The following GNAS variants were observed in gnomAD, a reference collection of about 807,000 sequenced individuals.
The protein encoded by GNAS is protein ALEX.
Under a neutral mutation model 54.5 loss-of-function variants are expected in GNAS, and 8 were observed. The observed-to-expected ratio is 0.15, with a 90% confidence interval of 0.09 to 0.26. GNAS has a LOEUF of 0.26. GNAS is among the 10% of genes least tolerant of loss of function. The probability of loss-of-function intolerance (pLI) is 1.00; values close to 1 mark genes in which losing one functional copy is unlikely to be tolerated. For synonymous variants in GNAS, 204 were observed against 191.4 expected, an observed-to-expected ratio of 1.07 and a Z score of -0.54; for missense variants, 170 against 529.8, an observed-to-expected ratio of 0.32 and a Z score of 6.67.
chr20:58,859,554 TG>T (rs981645390), intron 1 of GNAS, among the ~76,000 whole-genome samples: 1 of 151,922 alleles, frequency 6.6e-6, no homozygotes, highest in African/African-American at 2.4e-5. Flanking sequence ...GAAACAGTCC[TG>T]GGCAATAAAA....
chr20:58,858,521 AT>A (rs1351995022), intron 1 of GNAS, among the ~76,000 whole-genome samples: 1 of 152,200 alleles, frequency 6.6e-6, no homozygotes, highest in African/African-American at 2.4e-5. Context: ...TTTTTAAATA[AT>A]TTTGGTGGCT....
intron 1 of GNAS, among the ~76,000 whole-genome samples, chr20:58,858,390 AAGAT>A (rs2086607154): frequency 6.6e-6 from 1 of 152,092 alleles, no homozygotes; most frequent in Non-Finnish European, 1.5e-5. Context: ...GAGAGAGAGA[AAGAT>A]AGATAGAAAT....
intron 1 of GNAS, chr20:58,842,029 C>T: frequency 1.4e-6 from 1 of 698,846 alleles, no homozygotes; most frequent in Non-Finnish European, 2.0e-6. Flanking sequence ...GAAAAGGAGG[C>T]AGGGGCCGGC....
intron 1 of GNAS, among the ~76,000 whole-genome samples, chr20:58,844,872 ATC>A (rs762097633): frequency 6.6e-6 from 1 of 152,088 alleles, no homozygotes; most frequent in African/African-American, 2.4e-5. Flanking sequence ...CTAGGAAGAA[ATC>A]TGTTTTGTGT....
rs75786204 is a variant in GNAS, at chr20:58,874,875, G to A, written c.44-20737G>A. Among the ~76,000 whole-genome samples the A allele has an allele frequency of 7.9e-3, 1,206 of 152,334 alleles. 17 individuals carry two copies. The highest frequency in any genetic ancestry group is 0.027 in the African/African-American group (1,128 of 41,574). ...ATACTATAATTAATTTCCAGCCATT[G>A]TGGAATGAAAAACACATTTTAATTT... On this transcript the variant is annotated intron_variant, in intron 1 of 12. Coordinates refer to the GNAS transcript ENST00000306090.
At chr20:58,895,776 G>T (rs2089988937) in intron 2 of GNAS, 92 bp downstream of exon 2, 1 of 811,988 alleles carries the variant, frequency 1.2e-6, no homozygotes, top group Non-Finnish European at 2.2e-6. Flanking sequence ...TGGGGGCTGG[G>T]CAGCCAGTTT....
chr20:58,891,538 C>A lies in GNAS; in HGVS notation c.-189C>A. On this transcript the variant is annotated 5_prime_UTR_variant, in exon 1 of 13. Coordinates refer to ENST00000371085, the MANE Select transcript of GNAS (RefSeq NM_000516.7). ...CGCCCCTCGGTCCGACCGACACCCT[C>A]CCCTTCCCGCCCGTCCGCGCGCCCC... is the stretch of plus-strand genomic sequence containing the variant. 1 of 975,972 alleles carries A rather than the reference C, an allele frequency of 1.0e-6. No individual in the cohort carries two copies. The highest frequency in any genetic ancestry group is 1.2e-6 in the Non-Finnish European group (1 of 824,642). The allele number at this position is 975,972 out of a possible 1,614,324, so 60.5% of individuals were successfully genotyped here. A position where few individuals can be genotyped will look rare whatever the true frequency, so the allele number is the denominator to read the frequency against.
intron 1 of GNAS, among the ~76,000 whole-genome samples, chr20:58,893,847 A>G (rs552254143): frequency 9.2e-5 from 14 of 152,334 alleles, no homozygotes; most frequent in Non-Finnish European, 1.6e-4. Context: ...AAAATTTCCA[A>G]CACCTTTTGT....
Position 58,873,616 on chromosome 20 carries a change from G to A in GNAS, c.44-21996G>A, listed in dbSNP as rs1397066456. On this transcript the variant is annotated intron_variant, in intron 1 of 12. Coordinates refer to the GNAS transcript ENST00000306090. This position sits in a 1 kb window ranked among gnomAD's most constrained non-coding sequence, Gnocchi z 4.3. ...TCTGTCTAGTAGCATCTCTAAGCTT[G>A]CAGTAGCTGCTCACGTGTCTGCCAC... is the stretch of plus-strand genomic sequence containing the variant. 6.6e-6 allele frequency among the ~76,000 whole-genome samples: 1 copy of A among 152,190 alleles called. No homozygotes were observed. The highest frequency in any genetic ancestry group is 1.9e-4 in the East Asian group (1 of 5,198).
upstream of GNAS, among the ~76,000 whole-genome samples, chr20:58,887,796 T>C (rs1428438264): frequency 6.6e-6 from 1 of 152,158 alleles, no homozygotes; most frequent in East Asian, 1.9e-4. Context: ...TTGGTGACTT[T>C]GAATCGCCCT....
intron 1 of GNAS, among the ~76,000 whole-genome samples, chr20:58,859,140 A>T (rs2086649845): frequency 6.6e-6 from 1 of 152,184 alleles, no homozygotes; most frequent in Non-Finnish European, 1.5e-5. Flanking sequence ...TGAAAAGGAA[A>T]ATCTCACTGC....
At chr20:58,861,089 C>T (rs960920628) in intron 1 of GNAS, among the ~76,000 whole-genome samples, 5 of 152,184 alleles carry the variant, frequency 3.3e-5, no homozygotes, top group African/African-American at 1.2e-4. Flanking sequence ...AAAACTTACC[C>T]CCAACCCCAG....
chr20:58,907,804 G>A (rs1015924434), intron 6 of GNAS, among the ~76,000 whole-genome samples: 1 of 152,240 alleles, frequency 6.6e-6, no homozygotes, highest in African/African-American at 2.4e-5. Flanking sequence ...TGCATCTGCC[G>A]TGGCCGGCAC....
chr20:58,900,302 C>A, intron 3 of GNAS: 1 of 363,446 alleles, frequency 2.8e-6, no homozygotes, highest in Non-Finnish European at 5.0e-6. Flanking sequence ...CTGCTAAACC[C>A]TTGAACCCTA....
intron 1 of GNAS, among the ~76,000 whole-genome samples, chr20:58,865,423 A>AT (rs2086999293): frequency 6.8e-6 from 1 of 148,102 alleles, no homozygotes; most frequent in South Asian, 2.1e-4. Context: ...CATCTCAAAA[A>AT]ATATATATAT....
intron 1 of GNAS, among the ~76,000 whole-genome samples, chr20:58,864,473 CA>C (rs749364840): frequency 5.3e-5 from 8 of 152,128 alleles, no homozygotes; most frequent in Non-Finnish European, 1.0e-4. Flanking sequence ...TGACGTCATT[CA>C]GGGGGTTCCT....
intron 1 of GNAS, among the ~76,000 whole-genome samples, chr20:58,871,261 A>G (rs933613899): frequency 2.0e-5 from 3 of 152,200 alleles, no homozygotes; most frequent in African/African-American, 7.2e-5. Flanking sequence ...TTATTGTTGA[A>G]AGAGAGAGAC....
In GNAS at chr20:58,899,669, A is replaced by G. The variant is rs987930600; in HGVS notation, c.257+684A>G. ...ACCCATCACACACACACACACGCAC[A>G]CACATGCACATGCATACACAGACAC... On this transcript the variant is annotated intron_variant, in intron 3 of 12. Transcript: ENST00000371085. Among the ~76,000 whole-genome samples the G allele has an allele frequency of 3.3e-5, 5 of 151,632 alleles. No individual in the cohort carries two copies. The Admixed American group carries it at 3.3e-4, about 10-fold the overall frequency.
At chr20:58,898,624 C>A (rs762903472) in intron 2 of GNAS, 10 of 484,800 alleles carry the variant, frequency 2.1e-5, no homozygotes, top group Non-Finnish European at 3.7e-5. Flanking sequence ...TGCTTTAGCT[C>A]CCTAATGCGT....
Sources: gnomAD v4.1 joint callset for allele counts (sites outside exome capture counted in the v4.1 genomes callset) on GRCh38, gnomAD v4.1.1 for gene constraint, Gnocchi (gnomAD v3.1) non-coding constraint, MANE v1.5 for transcripts, NCBI Gene and HGNC (gene_info 2026-07-23, HGNC 2026-07-21) for gene names.